The following RPRD1A variants were observed in gnomAD, a reference collection of about 807,000 sequenced individuals.
RPRD1A encodes regulation of nuclear pre-mRNA domain containing 1A, also known as regulation of nuclear pre-mRNA domain-containing protein 1A.
In RPRD1A, 9 loss-of-function variants were observed where a neutral mutation model predicts 37.8. That is an observed-to-expected ratio of 0.24 (90% confidence interval 0.14 to 0.42). The LOEUF is 0.42. Among genes scored for constraint, RPRD1A ranks in the 10% least tolerant of loss-of-function variants. The pLI, the probability that RPRD1A is intolerant of heterozygous loss-of-function variation, is 1.00. For missense variants in RPRD1A, 255 were observed against 371.0 expected, an observed-to-expected ratio of 0.69 and a Z score of 2.57; for synonymous variants, 138 against 139.7, an observed-to-expected ratio of 0.99 and a Z score of 0.08.
intron 6 of RPRD1A, among the ~76,000 whole-genome samples, chr18:36,022,696 T>C (rs1911072897): frequency 6.6e-6 from 1 of 152,218 alleles, no homozygotes; most frequent in South Asian, 2.1e-4. Flanking sequence ...GATGTAGTGA[T>C]TCCCACCTGT....
At chr18:36,004,000 C>CTTTTTT (rs34397005) in intron 6 of RPRD1A, among the ~76,000 whole-genome samples, 35 of 85,196 alleles carry the variant, frequency 4.1e-4, no homozygotes, top group Non-Finnish European at 5.4e-4. Flanking sequence ...CAGACACAGA[C>CTTTTTT]TTTTTTTTTT....
chr18:36,054,403 G>A (rs1913618084), intron 1 of RPRD1A, among the ~76,000 whole-genome samples: 1 of 152,200 alleles, frequency 6.6e-6, no homozygotes, highest in Non-Finnish European at 1.5e-5. Flanking sequence ...TGAGGCAGGA[G>A]AATCACGAAC....
intron 1 of RPRD1A, among the ~76,000 whole-genome samples, chr18:36,064,718 AAGC>A (rs769199550): frequency 6.6e-6 from 1 of 152,194 alleles, no homozygotes; most frequent in Non-Finnish European, 1.5e-5. Flanking sequence ...AAGAGAATAA[AAGC>A]AGGCCACCCA....
intron 6 of RPRD1A, among the ~76,000 whole-genome samples, chr18:35,993,822 G>A (rs377376236): frequency 2.0e-5 from 3 of 152,096 alleles, no homozygotes; most frequent in African/African-American, 7.2e-5. Flanking sequence ...CAGAAAGAGC[G>A]CCTCTCATCC....
At chr18:36,038,741 G>T (rs1488524272) in intron 1 of RPRD1A, among the ~76,000 whole-genome samples, 4 of 152,186 alleles carry the variant, frequency 2.6e-5, no homozygotes, top group African/African-American at 9.7e-5. Context: ...AGCTGCCCAA[G>T]GCAGTGGGAG....
intron 1 of RPRD1A, among the ~76,000 whole-genome samples, chr18:36,049,288 C>T (rs946002282): frequency 6.6e-6 from 1 of 152,304 alleles, no homozygotes; most frequent in Non-Finnish European, 1.5e-5. Flanking sequence ...GCCATTTTTA[C>T]TACTTTTAAT....
chr18:36,061,363 T>TA (rs1195021245), intron 1 of RPRD1A, among the ~76,000 whole-genome samples: 1 of 152,180 alleles, frequency 6.6e-6, no homozygotes, highest in Non-Finnish European at 1.5e-5. Flanking sequence ...TTGAGGCACT[T>TA]ACAGTTTTGT....
rs532887992 is a variant in RPRD1A at position 35,998,879 on chromosome 18, TAGG to T, written c.790-5582_790-5580del. 1.2e-4 allele frequency among the ~76,000 whole-genome samples: 18 copies of T among 152,308 alleles called. No individual in the cohort carries two copies. The South Asian group carries it at 2.3e-3, about 19-fold the overall frequency. On this transcript the variant is annotated intron_variant, in intron 6 of 6. Coordinates refer to ENST00000399022, the MANE Select transcript of RPRD1A (RefSeq NM_018170.5). Reference sequence around the variant, plus strand: ...CTATAATACTTCAACACTAGTGAACTAGGAGGTGTGACTTGCCTTGTGTGCACT... The same window carrying T: ...CTATAATACTTCAACACTAGTGAACTAGGTGTGACTTGCCTTGTGTGCACT...
intron 1 of RPRD1A, among the ~76,000 whole-genome samples, chr18:36,060,210 T>C (rs1433134960): frequency 1.3e-5 from 2 of 152,140 alleles, no homozygotes; most frequent in Non-Finnish European, 2.9e-5. Flanking sequence ...GGTGGGCGGA[T>C]CACGAGGTCA....
Position 36,045,009 on chromosome 18 carries a change from G to A in RPRD1A, c.152-11172C>T, listed in dbSNP as rs569251515. 9.8e-5 allele frequency among the ~76,000 whole-genome samples: 15 copies of A among 152,326 alleles called. No individual in the cohort carries two copies. The East Asian group carries it at 2.1e-3, about 22-fold the overall frequency. ...AATCACAGCACTTTGGGAGGCCAAA[G>A]TGGGTGGATCACTTGAGGCCAGGAG... On this transcript the variant is annotated intron_variant, in intron 1 of 6. Coordinates refer to ENST00000399022, the MANE Select transcript of RPRD1A (RefSeq NM_018170.5).
chr18:36,035,323 T>C (rs1912113393), intron 1 of RPRD1A, among the ~76,000 whole-genome samples: 1 of 152,240 alleles, frequency 6.6e-6, no homozygotes. Context: ...AACAATCCTT[T>C]CACTGCACTT....
intron 1 of RPRD1A, among the ~76,000 whole-genome samples, chr18:36,066,890 CT>C (rs1289807570): frequency 9.2e-5 from 14 of 152,300 alleles, no homozygotes; most frequent in Admixed American, 3.9e-4. Flanking sequence ...CCACACCAAT[CT>C]TTTTCTTTCC....
intron 1 of RPRD1A, among the ~76,000 whole-genome samples, chr18:36,053,313 C>A (rs1234712839): frequency 1.3e-5 from 2 of 152,180 alleles, no homozygotes; most frequent in African/African-American, 4.8e-5. Context: ...GACAAGCCCA[C>A]ACCCATTAAG....
intron 6 of RPRD1A, among the ~76,000 whole-genome samples, chr18:36,001,310 TTC>T (rs746334695): frequency 3.3e-5 from 5 of 152,090 alleles, no homozygotes; most frequent in African/African-American, 4.8e-5. Context: ...CTTTGGTTAT[TTC>T]TGTTTTTGAA....
intron 1 of RPRD1A, chr18:36,040,738 C>T: frequency 2.3e-6 from 2 of 886,214 alleles, no homozygotes; most frequent in African/African-American, 1.7e-5. Context: ...ATCTAATCAT[C>T]CCTAAAAATT....
intron 6 of RPRD1A, among the ~76,000 whole-genome samples, chr18:36,001,144 C>T (rs1247337296): frequency 1.3e-5 from 2 of 152,088 alleles, no homozygotes; most frequent in Non-Finnish European, 2.9e-5. Flanking sequence ...ATAGCAGCAA[C>T]ATAAACATAC....
intron 1 of RPRD1A, chr18:36,040,903 C>A (rs1472921478): frequency 2.5e-6 from 3 of 1,212,486 alleles, no homozygotes; most frequent in South Asian, 2.8e-5. Flanking sequence ...ATTTACTACA[C>A]CTTCTAGAAT....
chr18:36,032,112 T>C (rs1301114572), intron 2 of RPRD1A, among the ~76,000 whole-genome samples: 2 of 152,242 alleles, frequency 1.3e-5, no homozygotes, highest in Non-Finnish European at 2.9e-5. Flanking sequence ...CTTTATCTCA[T>C]CACATAACTG....
At chr18:36,065,362 A>G (rs1040199002) in intron 1 of RPRD1A, among the ~76,000 whole-genome samples, 1 of 152,216 alleles carries the variant, frequency 6.6e-6, no homozygotes, top group African/African-American at 2.4e-5. Flanking sequence ...ACGTTGTTTC[A>G]TGCAGCTCTA....
Sources: allele counts gnomAD v4.1 joint callset (sites outside exome capture counted in the v4.1 genomes callset), GRCh38; gene constraint gnomAD v4.1.1; transcripts MANE v1.5; gene names NCBI Gene and HGNC (gene_info 2026-07-23, HGNC 2026-07-21).